The following EML4 variants were observed in gnomAD, a reference collection of about 807,000 sequenced individuals.
EML4 encodes echinoderm microtubule-associated protein-like 4.
A neutral mutation model predicts 129.0 loss-of-function variants in EML4; 72 were observed. That is an observed-to-expected ratio of 0.56 (90% CI 0.46 to 0.68). The LOEUF is 0.68. Ranked by LOEUF, EML4 falls within the 30% of genes least tolerant of loss-of-function variation. The probability of loss-of-function intolerance (pLI) is 0.00; values close to 1 mark genes in which losing one functional copy is unlikely to be tolerated. For missense variants in EML4, 1,363 were observed against 1,190.6 expected, an observed-to-expected ratio of 1.14 and a Z score of -2.13; for synonymous variants, 532 against 405.0, an observed-to-expected ratio of 1.31 and a Z score of -3.77.
chr2:42,279,778 T>TTTTTTATTA lies in EML4; in HGVS notation c.668-1069_668-1061dup, dbSNP rs1666902728. Reference sequence around the variant, plus strand: ...CGTGAGCCACCGCGCCCGGCTGTCTTTTTTTATTATTATTATTATTATTAT... The same window carrying TTTTTTATTA: ...CGTGAGCCACCGCGCCCGGCTGTCTTTTTTTATTATTTTTATTATTATTATTATTATTAT... On this transcript the variant is annotated intron_variant, in intron 6 of 22. Coordinates refer to ENST00000318522, the MANE Select transcript of EML4 (RefSeq NM_019063.5). Among the ~76,000 whole-genome samples the TTTTTTATTA allele has an allele frequency of 5.5e-5, 4 of 72,892 alleles. No homozygotes were observed. The South Asian group carries it at 2.0e-3, about 36-fold the overall frequency. The allele number at this position is 72,892 out of a possible 152,430, so 47.8% of individuals were successfully genotyped here. A position where few individuals can be genotyped will look rare whatever the true frequency, so the allele number is the denominator to read the frequency against.
At chr2:42,260,445 C>T (rs1255561702) in intron 3 of EML4, among the ~76,000 whole-genome samples, 1 of 152,190 alleles carries the variant, frequency 6.6e-6, no homozygotes, top group African/African-American at 2.4e-5. Flanking sequence ...GGATTACAGG[C>T]GTGAGCCAGT....
intron 2 of EML4, among the ~76,000 whole-genome samples, chr2:42,248,281 T>C (rs192876799): frequency 1.4e-3 from 212 of 152,286 alleles, no homozygotes; most frequent in Non-Finnish European, 1.6e-4. Context: ...TTTATGTAAA[T>C]TGAGAAAAAT....
intron 1 of EML4, among the ~76,000 whole-genome samples, chr2:42,211,947 C>T (rs1036294952): frequency 4.6e-5 from 7 of 152,080 alleles, no homozygotes; most frequent in African/African-American, 1.7e-4. Flanking sequence ...TGGGTTCAAA[C>T]GATTCTCGTG....
At chr2:42,288,166 T>C in intron 10 of EML4, 61 bp from the exon 11 acceptor site, 1 of 697,334 alleles carries the variant, frequency 1.4e-6, no homozygotes, top group Non-Finnish European at 2.4e-6. Flanking sequence ...ATGGTATTTC[T>C]TTCTTAGAAT....
At chr2:42,259,770 C>G (rs1319256437) in intron 3 of EML4, among the ~76,000 whole-genome samples, 3 of 136,808 alleles carry the variant, frequency 2.2e-5, no homozygotes, top group African/African-American at 2.8e-5. Context: ...CGCTCTGTCA[C>G]CCAGGCTGGA....
chr2:42,301,074 C>T (rs921659392), intron 13 of EML4, among the ~76,000 whole-genome samples, 167 bp from the exon 14 acceptor site: 3 of 152,158 alleles, frequency 2.0e-5, no homozygotes, highest in South Asian at 4.1e-4. Flanking sequence ...ATACCCTAAA[C>T]TTTACTACCT....
chr2:42,263,611 G>A (rs948028602), intron 5 of EML4, among the ~76,000 whole-genome samples: 1 of 151,474 alleles, frequency 6.6e-6, no homozygotes, highest in African/African-American at 2.4e-5. Flanking sequence ...CACCATGTTG[G>A]CCAGGATGGT....
intron 7 of EML4, among the ~76,000 whole-genome samples, chr2:42,281,179 G>A (rs1666983633): frequency 6.6e-6 from 1 of 152,090 alleles, no homozygotes; most frequent in Non-Finnish European, 1.5e-5. Flanking sequence ...GGATCACAAA[G>A]TCAGTAGTTC....
chr2:42,192,807 G>C lies in EML4; in HGVS notation c.25+23171G>C, dbSNP rs371035313. On this transcript the variant is annotated intron_variant, in intron 1 of 22. Transcript: ENST00000318522. Reference sequence around the variant, plus strand: ...TCTTCTCTGAGTCTTCAGAGCAACTGATTCCAGTATCATGATTTTCACTTT... The same window carrying C: ...TCTTCTCTGAGTCTTCAGAGCAACTCATTCCAGTATCATGATTTTCACTTT... 5.7e-4 allele frequency among the ~76,000 whole-genome samples: 87 copies of C among 152,272 alleles called. 1 individual carries two copies. The highest frequency in any genetic ancestry group is 1.9e-3 in the African/African-American group (80 of 41,564).
At chr2:42,291,969 G>T (rs967467623) in intron 11 of EML4, among the ~76,000 whole-genome samples, 1 of 152,028 alleles carries the variant, frequency 6.6e-6, no homozygotes, top group Non-Finnish European at 1.5e-5. Context: ...AATATCTTAC[G>T]TGAAAAAGAC....
Position 42,325,602 on chromosome 2 carries a change from T to TATATATA in EML4, c.2242+48_2242+49insATATATA, listed in dbSNP as rs1558614750. On this transcript the variant is annotated intron_variant, in intron 20 of 22. Coordinates refer to ENST00000318522, the MANE Select transcript of EML4 (RefSeq NM_019063.5). ...ATATATATATATGCTATGATTATAT[T>TATATATA]TATATATATATATATATATATATAT... 4.2e-3 allele frequency: 549 copies of TATATATA among 129,278 alleles called. 50 individuals are homozygous for TATATATA. The highest frequency in any genetic ancestry group is 0.023 in the East Asian group (89 of 3,920). 8.0% of individuals were successfully genotyped at this position (129,278 alleles called of 1,614,324 possible).
At position 42,330,619 on chromosome 2, in the gene EML4, C is replaced by T. The variant is rs941434696; in HGVS notation, c.*412C>T. 1.5e-5 allele frequency: 3 copies of T among 206,304 alleles called. No homozygotes were observed. Among genetic ancestry groups the T allele is most frequent in the East Asian group, 7.6e-5 (1 of 13,244 alleles). The allele number at this position is 206,304 out of a possible 1,614,324, so 12.8% of individuals were successfully genotyped here. A position where few individuals can be genotyped will look rare whatever the true frequency, so the allele number is the denominator to read the frequency against. On this transcript the variant is annotated 3_prime_UTR_variant, in exon 23 of 23. Coordinates refer to ENST00000318522, the MANE Select transcript of EML4 (RefSeq NM_019063.5). Reference sequence around the variant, plus strand: ...TCATCTACTGGCTCAGACTGTACTACTTTTTTTTTTTTTTTTCCTGAAAAA... The same window carrying T: ...TCATCTACTGGCTCAGACTGTACTATTTTTTTTTTTTTTTTTCCTGAAAAA...
At chr2:42,257,144 G>A (rs1316355857) in intron 3 of EML4, among the ~76,000 whole-genome samples, 1 of 152,028 alleles carries the variant, frequency 6.6e-6, no homozygotes, top group African/African-American at 2.4e-5. Context: ...GTTAGGGGAT[G>A]GTGGGCAGGA....
chr2:42,223,304 G>C (rs907001969), intron 1 of EML4, among the ~76,000 whole-genome samples: 1 of 152,084 alleles, frequency 6.6e-6, no homozygotes, highest in Non-Finnish European at 1.5e-5. Flanking sequence ...ATTTGTAGCA[G>C]TTCACAAATG....
intron 10 of EML4, among the ~76,000 whole-genome samples, chr2:42,286,654 G>T (rs1280603841): frequency 6.6e-6 from 1 of 152,208 alleles, no homozygotes; most frequent in Non-Finnish European, 1.5e-5. Context: ...GCAGGAAGTG[G>T]TTAGAGGAAT....
At chr2:42,184,675 GTTTAAGTCCATCTCTTCT>G (rs1415942548) in intron 1 of EML4, among the ~76,000 whole-genome samples, 1 of 151,980 alleles carries the variant, frequency 6.6e-6, no homozygotes, top group African/African-American at 2.4e-5. Context: ...ATCCAAAGTA[GTTTAAGTCCATCTCTTCT>G]TTTGACCACT....
At chr2:42,217,181 CAT>C (rs770872522) in intron 1 of EML4, among the ~76,000 whole-genome samples, 2 of 152,192 alleles carry the variant, frequency 1.3e-5, no homozygotes, top group African/African-American at 4.8e-5. Flanking sequence ...AGAGCTATGA[CAT>C]ATGTATATTT....
intron 3 of EML4, among the ~76,000 whole-genome samples, chr2:42,259,011 C>T (rs1476018982): frequency 6.6e-6 from 1 of 152,104 alleles, no homozygotes; most frequent in Non-Finnish European, 1.5e-5. Flanking sequence ...CTTTGGGAGG[C>T]TGAGGCAGGC....
At chr2:42,329,685 T>C (rs1198766680) in intron 22 of EML4, 49 bp from the exon 23 acceptor site, 1 of 1,489,634 alleles carries the variant, frequency 6.7e-7, no homozygotes, top group South Asian at 1.2e-5. Flanking sequence ...GAAACAGGCA[T>C]GTCAAGAATG....
Sources: allele counts gnomAD v4.1 joint callset (sites outside exome capture counted in the v4.1 genomes callset), GRCh38; gene constraint gnomAD v4.1.1; transcripts MANE v1.5; gene names NCBI Gene and HGNC (gene_info 2026-07-23, HGNC 2026-07-21).